PHLDB3: variants seen among roughly 807,000 people sequenced by gnomAD.
PHLDB3 encodes pleckstrin homology-like domain family B member 3.
Under a neutral mutation model 85.7 loss-of-function variants are expected in PHLDB3, and 86 were observed. That is an observed-to-expected ratio of 1.00 (90% CI 0.84 to 1.20). The LOEUF (loss-of-function observed/expected upper bound fraction) is 1.20. PHLDB3 is among the 50% of genes most tolerant of loss of function. The pLI is 0.00. For synonymous variants in PHLDB3, 376 were observed against 349.8 expected (o/e 1.07, Z -0.83); for missense variants, 995 against 873.0 (o/e 1.14, Z -1.76).
intron 3 of PHLDB3, 52 bp from the exon 4 acceptor site, chr19:43,501,923 A>G: frequency 6.5e-7 from 1 of 1,529,518 alleles, no homozygotes; most frequent in South Asian, 1.3e-5. Context: ...TCCAAGGAAG[A>G]GGCCCAGGGC....
intron 9 of PHLDB3, among the ~76,000 whole-genome samples, chr19:43,491,866 C>T (rs182026781): frequency 9.5e-4 from 143 of 150,934 alleles, no homozygotes; most frequent in Admixed American, 2.1e-3. Flanking sequence ...AGGCTGGTCT[C>T]GATCTCCTGA....
At chr19:43,500,522 A>G (rs1971563054) in intron 4 of PHLDB3, among the ~76,000 whole-genome samples, 1 of 152,230 alleles carries the variant, frequency 6.6e-6, no homozygotes, top group Non-Finnish European at 1.5e-5. Flanking sequence ...AAGACGTATC[A>G]GCCAATCACA....
chr19:43,480,760 CAGAG>C (rs1359097561), intron 13 of PHLDB3, among the ~76,000 whole-genome samples: 2 of 152,132 alleles, frequency 1.3e-5, no homozygotes, highest in Non-Finnish European at 2.9e-5. Flanking sequence ...AACCAAGACT[CAGAG>C]AGGTTAAGTC....
rs755617032 is a variant in PHLDB3 at position 43,479,543 on chromosome 19, C to T, written c.1536G>A (p.Arg512=). ...TGTGGCCCCATCCCTCCAGATGCTG[C>T]CGGAGATCCAAGATTCGCGGGCCTG... The part of the protein sequence containing the change: ...HPPGPRILDL[R]QHLEGWGHNP... Residue 512 remains arginine, a synonymous_variant, in exon 14 of 16, where the codon CGG becomes CGA. Transcript: ENST00000292140. 2 of 1,331,102 alleles carry T rather than the reference C, an allele frequency of 1.5e-6. No homozygotes were observed. The highest frequency in any genetic ancestry group is 2.5e-5 in the South Asian group (2 of 81,160). 82.5% of individuals were successfully genotyped at this position (1,331,102 alleles called of 1,614,324 possible). A position where few individuals can be genotyped will look rare whatever the true frequency, so the allele number is the denominator to read the frequency against.
chr19:43,497,714 A>T, intron 5 of PHLDB3, 34 bp downstream of exon 5: 2 of 1,545,654 alleles, frequency 1.3e-6, no homozygotes, highest in East Asian at 2.4e-5. Flanking sequence ...TCTGTCTCAA[A>T]AAAAACAAAA....
intron 15 of PHLDB3, among the ~76,000 whole-genome samples, chr19:43,476,496 AAAAC>A (rs1970931136): frequency 6.6e-6 from 1 of 151,990 alleles, no homozygotes; most frequent in Non-Finnish European, 1.5e-5. Context: ...AAATACCAGA[AAAAC>A]AAAACAAAAC....
In PHLDB3 at chr19:43,495,353, T is replaced by C. The variant is rs748958311; in HGVS notation, c.952-14A>G. 1.4e-5 allele frequency: 22 copies of C among 1,612,152 alleles called. 1 individual carries two copies. In the South Asian group the frequency reaches 1.5e-4, roughly 11 times the overall value. On this transcript the variant is annotated splice_polypyrimidine_tract_variant and intron_variant, in intron 7 of 15. Coordinates refer to ENST00000292140, the MANE Select transcript of PHLDB3 (RefSeq NM_198850.4). ...CCGGCTCCGTTCCTACCAGAAGATA[T>C]GGACAGCTACGTGTCAAAGTCAGAA... is the stretch of plus-strand genomic sequence containing the variant.
rs114090314 is a variant in PHLDB3 at position 43,479,735 on chromosome 19, G to A, written c.1486-142C>T. The A allele has an allele frequency of 1.7e-3, 1,048 of 629,682 alleles. 9 individuals carry two copies. In the African/African-American group the frequency reaches 0.017, roughly 10 times the overall value. The allele number at this position is 629,682 out of a possible 1,614,324, so 39.0% of individuals were successfully genotyped here. ...AGGGTAATATTAACTAGGACCATCT[G>A]ACAAATGCAACGGCTACGTGGATTG... On this transcript the variant is annotated intron_variant, in intron 13 of 15. Transcript: ENST00000292140.
intron 1 of PHLDB3, 89 bp downstream of exon 1, chr19:43,504,499 GC>G: frequency 3.8e-6 from 1 of 265,104 alleles, no homozygotes; most frequent in East Asian, 9.0e-5. Flanking sequence ...CCGAGACTCA[GC>G]AGTTCGGCTC....
chr19:43,481,063 C>T (rs1971035267), intron 13 of PHLDB3, among the ~76,000 whole-genome samples: 2 of 152,178 alleles, frequency 1.3e-5, no homozygotes, highest in South Asian at 2.1e-4. Flanking sequence ...AAAATGCAGA[C>T]TCTGATTCAG....
Position 43,486,815 on chromosome 19 carries a change from G to T in PHLDB3, c.1305C>A (p.Pro435=), listed in dbSNP as rs769124874. 2 of 1,592,114 alleles carry T rather than the reference G, an allele frequency of 1.3e-6. No homozygotes were observed. Among genetic ancestry groups the T allele is most frequent in the African/African-American group, 1.3e-5 (1 of 74,614 alleles). ...GGCCACAGTTCAGCAGCTGGTAGAG[G>T]GGGTATCTGCCGGAGTCCCCCACTG... is the stretch of plus-strand genomic sequence containing the variant. The part of the protein sequence containing the change: ...PPAVGDSGRY[P]LYQLLNCGRG... The change falls in exon 11 of 16, where the codon CCC becomes CCA. Residue 435 remains proline, a synonymous_variant. Transcript: ENST00000292140.
chr19:43,479,274 G>T (rs1378457591), intron 14 of PHLDB3, 103 bp downstream of exon 14: 1 of 1,213,340 alleles, frequency 8.2e-7, no homozygotes, highest in Non-Finnish European at 1.2e-6. Flanking sequence ...GGATCCTGGG[G>T]AACATGGAAA....
At chr19:43,501,158 G>A (rs1018602993) in intron 4 of PHLDB3, among the ~76,000 whole-genome samples, 2 of 148,544 alleles carry the variant, frequency 1.3e-5, no homozygotes, top group African/African-American at 4.9e-5. Context: ...GGGTGGGTTT[G>A]GAAGTTTTCT....
In PHLDB3 at chr19:43,501,861, T is replaced by C. The variant is rs758248549; in HGVS notation, c.407A>G (p.Glu136Gly). 8 of 1,592,334 alleles carry C rather than the reference T, an allele frequency of 5.0e-6. No homozygotes were observed. The Middle Eastern group carries it at 8.7e-4, about 173-fold the overall frequency. Residue 136 changes from glutamate to glycine, a missense_variant, in exon 4 of 16, where the codon GAG (glutamate) becomes GGG (glycine). By Grantham distance (98) the Glu-to-Gly change is moderately conservative. Coordinates refer to ENST00000292140, the MANE Select transcript of PHLDB3 (RefSeq NM_198850.4). ...RKELRIEMEV[E>G]VALLRGELAG... ...CAGCTCACCCCGCAGCAAGGCCACC[T>C]CCACCTCCATCTGCGGAGAGAATGC...
chr19:43,488,053 C>G (rs1421193660), intron 9 of PHLDB3, among the ~76,000 whole-genome samples: 2 of 151,818 alleles, frequency 1.3e-5, no homozygotes, highest in African/African-American at 4.8e-5. Flanking sequence ...TTTCAGGAGG[C>G]TGAGGCAGGA....
intron 13 of PHLDB3, among the ~76,000 whole-genome samples, chr19:43,482,472 G>A (rs1035821565): frequency 1.3e-5 from 2 of 152,178 alleles, no homozygotes; most frequent in Admixed American, 6.6e-5. Context: ...CACAGCAGGG[G>A]ACTGTTTAAT....
intron 1 of PHLDB3, 170 bp from the exon 2 acceptor site, chr19:43,504,302 G>C: frequency 1.5e-6 from 1 of 660,418 alleles, no homozygotes. Context: ...CAGAGGCGGG[G>C]CTTGATGGCT....
intron 15 of PHLDB3, among the ~76,000 whole-genome samples, chr19:43,476,217 G>C (rs1970924337): frequency 6.6e-6 from 1 of 152,216 alleles, no homozygotes; most frequent in Non-Finnish European, 1.5e-5. Flanking sequence ...GGAAAAGTTA[G>C]TGTCTAGAAT....
At chr19:43,496,911 T>A in intron 6 of PHLDB3, 11 of 760,522 alleles carry the variant, frequency 1.4e-5, no homozygotes, top group Non-Finnish European at 2.0e-5. Flanking sequence ...CTCATAAGTT[T>A]GTTGTAAGGA....
Sources: allele counts gnomAD v4.1 joint callset (sites outside exome capture counted in the v4.1 genomes callset), GRCh38; gene constraint gnomAD v4.1.1; transcripts MANE v1.5; gene names NCBI Gene and HGNC (gene_info 2026-07-23, HGNC 2026-07-21).